Variants in KCNK10 observed in about 807,000 individuals in gnomAD.
The protein encoded by KCNK10 is potassium channel subfamily K member 10.
KCNK10 carries 25 observed loss-of-function variants against 47.7 expected under a neutral mutation model. That is an observed-to-expected ratio of 0.52 (90% CI 0.38 to 0.73). The LOEUF (loss-of-function observed/expected upper bound fraction) is 0.73, where lower values mean the gene tolerates loss of function less well. Ranked by LOEUF, KCNK10 falls within the 30% of genes least tolerant of loss-of-function variation. The pLI, the probability that KCNK10 is intolerant of heterozygous loss-of-function variation, is 0.00. For missense variants in KCNK10, 563 were observed against 714.5 expected (o/e 0.79, Z 2.42); for synonymous variants, 303 against 285.6 (o/e 1.06, Z -0.61).
chr14:88,322,614 G>T lies in KCNK10; in HGVS notation c.52+133C>A. The T allele has an allele frequency of 8.3e-7, 1 of 1,211,296 alleles. No homozygotes were observed. The highest frequency in any genetic ancestry group is 1.2e-6 in the Non-Finnish European group (1 of 838,676). The allele number at this position is 1,211,296 out of a possible 1,614,324, so 75.0% of individuals were successfully genotyped here. A position where few individuals can be genotyped will look rare whatever the true frequency, so the allele number is the denominator to read the frequency against. ...CTGCCTCCGCCCTCCTCCCACCCGC[G>T]CTGCAGTTCCCAGGCGCATTTCCCA... On this transcript the variant is annotated intron_variant, in intron 1 of 6. Transcript: ENST00000319231. The surrounding 1 kb of genome is among the most constrained non-coding windows in gnomAD (Gnocchi z 4.8).
intron 1 of KCNK10, among the ~76,000 whole-genome samples, chr14:88,264,681 G>T (rs560835397): frequency 1.3e-5 from 2 of 152,160 alleles, no homozygotes; most frequent in Non-Finnish European, 2.9e-5. Flanking sequence ...TTTGGAAACC[G>T]AGCTGAACGT....
intron 2 of KCNK10, 26 bp from the exon 3 acceptor site, chr14:88,240,846 G>C: frequency 2.2e-6 from 3 of 1,348,946 alleles, no homozygotes; most frequent in Non-Finnish European, 3.2e-6. Flanking sequence ...AAAAGCATAA[G>C]ACTCAGTTTA....
chr14:88,326,623 A>G, upstream of KCNK10: 1 of 601,642 alleles, frequency 1.7e-6, no homozygotes, highest in South Asian at 2.0e-5. Context: ...GCCGGCCCCC[A>G]GCAGGAGACC....
intron 1 of KCNK10, among the ~76,000 whole-genome samples, chr14:88,305,390 G>A (rs1027715514): frequency 1.3e-5 from 2 of 152,130 alleles, no homozygotes; most frequent in African/African-American, 4.8e-5. Flanking sequence ...TTCTGAGAAG[G>A]AAAATTATGG....
At chr14:88,324,170 C>A (rs1165349967), upstream of KCNK10, among the ~76,000 whole-genome samples, 1 of 152,248 alleles carries the variant, frequency 6.6e-6, no homozygotes, top group Admixed American at 6.5e-5. Flanking sequence ...ACCAGCAGGG[C>A]AGATGCGAAG....
intron 2 of KCNK10, among the ~76,000 whole-genome samples, chr14:88,243,925 T>C (rs1177583575): frequency 6.6e-6 from 1 of 151,504 alleles, no homozygotes; most frequent in African/African-American, 2.4e-5. Context: ...AAATCTTCAG[T>C]AAAATGGCCA....
Position 88,263,244 on chromosome 14 carries a change from A to C in KCNK10, c.360T>G (p.Asp120Glu). The C allele has an allele frequency of 6.2e-7, 1 of 1,614,158 alleles. No individual in the cohort carries two copies. Among genetic ancestry groups the C allele is most frequent in the Middle Eastern group, 1.6e-4 (1 of 6,062 alleles). The change falls in exon 2 of 7, where the codon GAT (aspartate) becomes GAG (glutamate). Residue 120 changes from aspartate (D) to glutamate (E), a missense_variant. Asp to Glu is a conservative substitution (Grantham distance 45). Transcript: ENST00000319231. ...GCTCCTGGGGGCTCACACAGACATG[A>C]TCCCGCAGGAATTCCGCCTTCTCCA... ...IALEKAEFLR[D>E]HVCVSPQELE...
intron 1 of KCNK10, among the ~76,000 whole-genome samples, chr14:88,302,071 C>T (rs1413195111): frequency 6.6e-6 from 1 of 152,074 alleles, no homozygotes. Context: ...TTCTAGATAT[C>T]GTATCAGGCA....
chr14:88,190,064 T>A (rs1207156005), intron 5 of KCNK10, among the ~76,000 whole-genome samples: 1 of 152,172 alleles, frequency 6.6e-6, no homozygotes, highest in Non-Finnish European at 1.5e-5. Context: ...GTGCCCTTAC[T>A]AGGTAAGTAA....
At chr14:88,256,281 G>T (rs1886953424) in intron 2 of KCNK10, among the ~76,000 whole-genome samples, 1 of 152,154 alleles carries the variant, frequency 6.6e-6, no homozygotes, top group African/African-American at 2.4e-5. Context: ...AGGCATTGGG[G>T]ATATAAGCCC....
In KCNK10 at chr14:88,197,572, T is replaced by TAAAAAA. The variant is rs71417717; in HGVS notation, c.682-5168_682-5163dup. ...CTGGGCAACAGAGAGAGACTCCGACTAAAAAAAAAAAAAAAAAAAAAAAAA... is the reference window on the plus strand; with the variant it reads ...CTGGGCAACAGAGAGAGACTCCGACTAAAAAAAAAAAAAAAAAAAAAAAAAAAAAAA... On this transcript the variant is annotated intron_variant, in intron 4 of 6. Transcript: ENST00000319231. 6.6e-3 allele frequency among the ~76,000 whole-genome samples: 113 copies of TAAAAAA among 17,152 alleles called. 33 individuals are homozygous for TAAAAAA. The highest frequency in any genetic ancestry group is 0.017 in the East Asian group (7 of 418). The allele number at this position is 17,152 out of a possible 152,430, so 11.3% of individuals were successfully genotyped here.
At chr14:88,306,800 G>C (rs1171950250) in intron 1 of KCNK10, among the ~76,000 whole-genome samples, 2 of 152,134 alleles carry the variant, frequency 1.3e-5, no homozygotes, top group African/African-American at 4.8e-5. Context: ...TGAGTGACTG[G>C]TTGCTGGGTT....
intron 4 of KCNK10, among the ~76,000 whole-genome samples, chr14:88,219,882 G>C (rs1001397799): frequency 1.6e-4 from 24 of 152,096 alleles, no homozygotes; most frequent in African/African-American, 3.9e-4. Context: ...TAAGGTTGAG[G>C]GACCAAACTT....
intron 2 of KCNK10, among the ~76,000 whole-genome samples, chr14:88,253,758 GGGT>G (rs1886864646): frequency 1.3e-5 from 2 of 152,012 alleles, no homozygotes; most frequent in Admixed American, 6.6e-5. Flanking sequence ...AAATTAGCTG[GGGT>G]GGTGAAGTAG....
At chr14:88,246,360 C>T (rs1886641817) in intron 2 of KCNK10, among the ~76,000 whole-genome samples, 1 of 151,732 alleles carries the variant, frequency 6.6e-6, no homozygotes, top group African/African-American at 2.4e-5. Flanking sequence ...TGGCAGACCA[C>T]ATTCATTACT....
intron 2 of KCNK10, among the ~76,000 whole-genome samples, chr14:88,249,024 G>A (rs1032928858): frequency 6.6e-6 from 1 of 152,086 alleles, no homozygotes; most frequent in Non-Finnish European, 1.5e-5. Flanking sequence ...TTTAACTCTA[G>A]CCTTCTATCT....
intron 2 of KCNK10, among the ~76,000 whole-genome samples, chr14:88,244,316 A>G (rs532105553): frequency 2.4e-4 from 36 of 152,224 alleles, no homozygotes; most frequent in Non-Finnish European, 4.7e-4. Flanking sequence ...AGTATTTTCA[A>G]ATGATCTTAA....
At chr14:88,194,471 T>C (rs1377042047) in intron 4 of KCNK10, among the ~76,000 whole-genome samples, 1 of 152,186 alleles carries the variant, frequency 6.6e-6, no homozygotes, top group Non-Finnish European at 1.5e-5. Flanking sequence ...CTCAAATGCA[T>C]AGTGAAGTTA....
At chr14:88,244,738 T>C (rs1401990503) in intron 2 of KCNK10, among the ~76,000 whole-genome samples, 1 of 152,150 alleles carries the variant, frequency 6.6e-6, no homozygotes, top group Non-Finnish European at 1.5e-5. Flanking sequence ...TTAGAATGTA[T>C]GAGCACACAG....
Sources: gnomAD v4.1 joint callset for allele counts (sites outside exome capture counted in the v4.1 genomes callset) on GRCh38, gnomAD v4.1.1 for gene constraint, Gnocchi (gnomAD v3.1) non-coding constraint, MANE v1.5 for transcripts, NCBI Gene and HGNC (gene_info 2026-07-23, HGNC 2026-07-21) for gene names.